Variants in ARHGEF28 observed in about 807,000 individuals in gnomAD.
The protein encoded by ARHGEF28 is 190 kDa guanine nucleotide exchange factor.
In ARHGEF28, 152 loss-of-function variants were observed where a neutral mutation model predicts 206.6. That is an observed-to-expected ratio of 0.74 (90% CI 0.64 to 0.84). The LOEUF (loss-of-function observed/expected upper bound fraction) is 0.84. Ranked by LOEUF, ARHGEF28 falls within the 40% of genes least tolerant of loss-of-function variation. The pLI is 0.00. For missense variants in ARHGEF28, 2,028 were observed against 2,073.2 expected (o/e 0.98, Z 0.42); for synonymous variants, 763 against 776.4 (o/e 0.98, Z 0.29).
At chr5:73,781,111 G>T (rs1753822655) in intron 7 of ARHGEF28, among the ~76,000 whole-genome samples, 2 of 152,066 alleles carry the variant, frequency 1.3e-5, no homozygotes, top group Admixed American at 6.6e-5. Flanking sequence ...CACCTTTGTG[G>T]ATCTCCTACT....
intron 16 of ARHGEF28, 85 bp from the exon 17 acceptor site, chr5:73,864,732 G>A: frequency 8.8e-7 from 1 of 1,141,402 alleles, no homozygotes; most frequent in Non-Finnish European, 1.3e-6. Context: ...TTTTTATAAT[G>A]ACCAGTGAAA....
chr5:73,773,746 C>G, intron 4 of ARHGEF28, 109 bp from the exon 5 acceptor site: 2 of 1,116,498 alleles, frequency 1.8e-6, no homozygotes, highest in Non-Finnish European at 2.4e-6. Flanking sequence ...TAATTTCTTC[C>G]AACTCTGACA....
chr5:73,671,411 C>T (rs1211731110), intron 1 of ARHGEF28, among the ~76,000 whole-genome samples: 2 of 152,078 alleles, frequency 1.3e-5, no homozygotes, highest in African/African-American at 2.4e-5. Context: ...TCTTTTCATA[C>T]TGAACTCAGA....
intron 7 of ARHGEF28, among the ~76,000 whole-genome samples, chr5:73,781,929 G>T (rs573767342): frequency 6.6e-6 from 1 of 152,046 alleles, no homozygotes; most frequent in Non-Finnish European, 1.5e-5. Flanking sequence ...AATGTAAAGG[G>T]CATAGGTCTG....
At chr5:73,657,639 C>T (rs1398894913) in intron 1 of ARHGEF28, among the ~76,000 whole-genome samples, 9 of 152,152 alleles carry the variant, frequency 5.9e-5, no homozygotes, top group Admixed American at 3.3e-4. Flanking sequence ...TGTGAGTTAA[C>T]CCCAAATGCA....
chr5:73,649,910 G>A (rs963840943), intron 1 of ARHGEF28, among the ~76,000 whole-genome samples: 4 of 152,196 alleles, frequency 2.6e-5, no homozygotes, highest in African/African-American at 9.7e-5. Context: ...ACCATTAAGG[G>A]GAGACCCTCA....
rs369392224 is a variant in ARHGEF28 at position 73,752,992 on chromosome 5, G to C, written c.265G>C (p.Val89Leu). 1.9e-6 allele frequency: 3 copies of C among 1,613,516 alleles called. No individual in the cohort carries two copies. The highest frequency in any genetic ancestry group is 2.7e-5 in the African/African-American group (2 of 74,942). Residue 89 changes from valine to leucine, a missense_variant, in exon 4 of 36, where the codon GTG becomes CTG. Val to Leu is a conservative substitution (Grantham distance 32). Coordinates refer to ENST00000513042, the MANE Select transcript of ARHGEF28 (RefSeq NM_001177693.2). ...YSPVTMGSGS[V>L]TYVDNMACRL... ...TCCGGTGACCATGGGCTCTGGCTCA[G>C]TGACCTACGTGGACAACATGGCTTG...
At chr5:73,762,476 CAAAA>C (rs796817910) in intron 4 of ARHGEF28, among the ~76,000 whole-genome samples, 9 of 119,492 alleles carry the variant, frequency 7.5e-5, no homozygotes, top group African/African-American at 2.9e-4. Flanking sequence ...AAAAAAAAAA[CAAAA>C]CAACAACAAC....
chr5:73,825,415 G>T (rs1756845682), intron 9 of ARHGEF28, among the ~76,000 whole-genome samples: 1 of 152,174 alleles, frequency 6.6e-6, no homozygotes, highest in Non-Finnish European at 1.5e-5. Context: ...AGGCTTGTGG[G>T]GCTGGAGTAG....
intron 28 of ARHGEF28, chr5:73,893,492 G>C (rs1761775841): frequency 7.1e-6 from 3 of 422,110 alleles, no homozygotes; most frequent in East Asian, 3.6e-5. Context: ...GATTAAAATG[G>C]ATGTAAAAAA....
chr5:73,827,265 C>T (rs778905975), intron 9 of ARHGEF28, among the ~76,000 whole-genome samples: 13 of 152,068 alleles, frequency 8.5e-5, no homozygotes, highest in Non-Finnish European at 1.9e-4. Context: ...AAATGTGCTT[C>T]GTGAAGCAAA....
intron 35 of ARHGEF28, among the ~76,000 whole-genome samples, chr5:73,924,516 A>G (rs928833919): frequency 2.0e-5 from 3 of 152,236 alleles, no homozygotes; most frequent in South Asian, 2.1e-4. Context: ...CACTGTTACT[A>G]TTATATCTTG....
At chr5:73,836,303 C>CTTTTTTTTTTTTTTTTGT (rs1757632534) in intron 10 of ARHGEF28, among the ~76,000 whole-genome samples, 1 of 126,314 alleles carries the variant, frequency 7.9e-6, no homozygotes. Context: ...TCCTTGTCAG[C>CTTTTTTTTTTTTTTTTGT]TTTTTTTTTT....
At chr5:73,758,929 A>G (rs905014852) in intron 4 of ARHGEF28, among the ~76,000 whole-genome samples, 3 of 152,234 alleles carry the variant, frequency 2.0e-5, no homozygotes, top group African/African-American at 7.2e-5. Context: ...TCAGGTTTAA[A>G]GAGTTAAGCT....
intron 33 of ARHGEF28, 31 bp downstream of exon 33, chr5:73,904,436 T>A: frequency 6.3e-7 from 1 of 1,575,970 alleles, no homozygotes. Flanking sequence ...TTTGACCTTG[T>A]GAATGGTTCT....
chr5:73,753,684 A>G (rs1752150109), intron 4 of ARHGEF28, among the ~76,000 whole-genome samples: 1 of 152,254 alleles, frequency 6.6e-6, no homozygotes, highest in Non-Finnish European at 1.5e-5. Context: ...TTTGTGTTAC[A>G]TTTGTACTAG....
chr5:73,693,058 T>G (rs2112267947), intron 2 of ARHGEF28, among the ~76,000 whole-genome samples: 1 of 152,370 alleles, frequency 6.6e-6, no homozygotes, highest in East Asian at 1.9e-4. Context: ...GGAGATTGAC[T>G]GGCTTGACTA....
chr5:73,849,004 G>T lies in ARHGEF28; in HGVS notation c.1664G>T (p.Arg555Leu), dbSNP rs200028795. The T allele has an allele frequency of 1.9e-6, 3 of 1,575,286 alleles. No individual in the cohort carries two copies. Among genetic ancestry groups the T allele is most frequent in the African/African-American group, 2.7e-5 (2 of 74,178 alleles). Residue 555 changes from arginine (R) to leucine (L), a missense_variant, in exon 13 of 36, where the codon CGT (arginine) becomes CTT (leucine). By Grantham distance (102) the Arg-to-Leu change is moderately radical. Coordinates refer to ENST00000513042, the MANE Select transcript of ARHGEF28 (RefSeq NM_001177693.2). ...KESLLSGVRS[R>L]SYSCSSPKIS... ...TCACTGCTTTCTGGAGTTCGCTCAC[G>T]TTCTTATTCTTGCTCATCACCCAAA...
rs1204201843 is a variant in ARHGEF28, at chr5:73,876,889, G to T, written c.2814+3643G>T. ...ATATTGGTCTAAAATTCTCTTTTTT[G>T]GTTGTGTCTCTGCCAGGCTTTGGTA... is the stretch of plus-strand genomic sequence containing the variant. On this transcript the variant is annotated intron_variant, in intron 22 of 35. Coordinates refer to ENST00000513042, the MANE Select transcript of ARHGEF28 (RefSeq NM_001177693.2). Among the ~76,000 whole-genome samples, 3 of 145,736 alleles carry T rather than the reference G, an allele frequency of 2.1e-5. No individual in the cohort carries two copies. In the East Asian group the frequency reaches 6.0e-4, roughly 29 times the overall value.
Sources: allele counts gnomAD v4.1 joint callset (sites outside exome capture counted in the v4.1 genomes callset), GRCh38; gene constraint gnomAD v4.1.1; transcripts MANE v1.5; gene names NCBI Gene and HGNC (gene_info 2026-07-23, HGNC 2026-07-21).